Variants in RHBDF2 observed in about 807,000 individuals in gnomAD.
The protein encoded by RHBDF2 is rhomboid 5 homolog 2, also known as inactive rhomboid protein 2.
Under a neutral mutation model 95.2 loss-of-function variants are expected in RHBDF2, and 38 were observed. That is an observed-to-expected ratio of 0.40 (90% CI 0.31 to 0.52). The LOEUF (loss-of-function observed/expected upper bound fraction) is 0.52. Among genes scored for constraint, RHBDF2 ranks in the 20% least tolerant of loss-of-function variants. RHBDF2 has a pLI of 0.56. For missense variants in RHBDF2, 863 were observed against 1,137.7 expected, an observed-to-expected ratio of 0.76 and a Z score of 3.47; for synonymous variants, 442 against 462.0, an observed-to-expected ratio of 0.96 and a Z score of 0.55.
At position 76,473,420 on chromosome 17, in the gene RHBDF2, T is replaced by C. The variant is rs894142645; in HGVS notation, c.1734-93A>G. On this transcript the variant is annotated intron_variant, in intron 15 of 18. Transcript: ENST00000675367. ...GCCCAGCACCTGGCTACAGGAGGCA[T>C]CGCTGGCAGGAAGGGGGATGCCGCA... 14 of 1,226,716 alleles carry C rather than the reference T, an allele frequency of 1.1e-5. No homozygotes were observed. In the African/African-American group the frequency reaches 2.0e-4, roughly 17 times the overall value. The allele number at this position is 1,226,716 out of a possible 1,614,324, so 76.0% of individuals were successfully genotyped here.
intron 1 of RHBDF2, among the ~76,000 whole-genome samples, chr17:76,493,521 GGA>G (rs35684089): frequency 0.15 from 23,541 of 152,056 alleles, 1,966 homozygotes; most frequent in African/African-American, 0.21. Context: ...CAGAATTTGG[GGA>G]GAGTCATGAG....
rs961508085 is a variant in RHBDF2 at position 76,471,465 on chromosome 17, A to G, written c.*168T>C. 11 of 719,370 alleles carry G rather than the reference A, an allele frequency of 1.5e-5. No individual in the cohort carries two copies. Among genetic ancestry groups the G allele is most frequent in the East Asian group, 2.8e-5 (1 of 36,186 alleles). 44.6% of individuals were successfully genotyped at this position (719,370 alleles called of 1,614,324 possible). A position where few individuals can be genotyped will look rare whatever the true frequency, so the allele number is the denominator to read the frequency against. ...CAGAAAAACCCCGCCTTAACCAACC[A>G]TCTCACGCGGAGTCAGCCTCGCCTG... On this transcript the variant is annotated 3_prime_UTR_variant, in exon 19 of 19. Coordinates refer to ENST00000675367, the MANE Select transcript of RHBDF2 (RefSeq NM_001005498.4).
chr17:76,489,463 A>G (rs969076764), intron 1 of RHBDF2, among the ~76,000 whole-genome samples: 4 of 151,668 alleles, frequency 2.6e-5, no homozygotes, highest in Non-Finnish European at 4.4e-5. Context: ...AGCTGGGACT[A>G]CAGACGCCCG....
At chr17:76,492,353 A>T (rs1346086699) in intron 1 of RHBDF2, among the ~76,000 whole-genome samples, 3 of 152,076 alleles carry the variant, frequency 2.0e-5, no homozygotes, top group Non-Finnish European at 4.4e-5. Context: ...GCAGCAGCGG[A>T]CCTCAGACAC....
In RHBDF2 at chr17:76,479,358, G is replaced by A. The variant is rs781719040; in HGVS notation, c.273-81C>T. The stretch of plus-strand genomic sequence containing the variant: ...GAGTGTGTGGAAGGGGTGATGGCAC[G>A]TGTGTGCCCGCGTGCCTACAGGGAG... On this transcript the variant is annotated intron_variant, in intron 4 of 18. Coordinates refer to ENST00000675367, the MANE Select transcript of RHBDF2 (RefSeq NM_001005498.4). 4.1e-5 allele frequency: 63 copies of A among 1,526,786 alleles called. No individual in the cohort carries two copies. In the Admixed American group the frequency reaches 4.3e-4, roughly 10 times the overall value. 94.6% of individuals were successfully genotyped at this position (1,526,786 alleles called of 1,614,324 possible).
intron 1 of RHBDF2, among the ~76,000 whole-genome samples, chr17:76,491,671 T>C (rs1400463804): frequency 6.6e-6 from 1 of 151,972 alleles, no homozygotes; most frequent in Middle Eastern, 3.2e-3. Flanking sequence ...AAACATGGAG[T>C]ATGGAAGCAT....
chr17:76,490,095 C>T (rs1349790040), intron 1 of RHBDF2, among the ~76,000 whole-genome samples: 10 of 152,224 alleles, frequency 6.6e-5, no homozygotes, highest in Admixed American at 6.5e-5. Context: ...GAGTAGCCCA[C>T]GCTCCCCATT....
Position 76,477,696 on chromosome 17 carries a change from G to A in RHBDF2, c.762C>T (p.Val254=), listed in dbSNP as rs140252289. Residue 254 remains valine, a synonymous_variant, in exon 7 of 19, where the codon GTC becomes GTT. Coordinates refer to ENST00000675367, the MANE Select transcript of RHBDF2 (RefSeq NM_001005498.4). ...AFPSFLEEDV[V]DGADTFDSSF... is the part of the protein sequence containing the mutation. ...AGGAGTCAAACGTGTCTGCCCCATC[G>A]ACCACATCCTCCTCCAGGAAGCTCG... The A allele has an allele frequency of 1.9e-6, 3 of 1,614,018 alleles. No individual in the cohort carries two copies. The highest frequency in any genetic ancestry group is 1.3e-5 in the African/African-American group (1 of 75,036).
At position 76,471,325 on chromosome 17, in the gene RHBDF2, C is replaced by A; in HGVS notation, c.*308G>T. ...GACCTGGGAAGAAAAGGACCCTGCC[C>A]CAGGAGATGGTCTCAGCAAGGAGCG... is the stretch of plus-strand genomic sequence containing the variant. On this transcript the variant is annotated 3_prime_UTR_variant, in exon 19 of 19. Coordinates refer to ENST00000675367, the MANE Select transcript of RHBDF2 (RefSeq NM_001005498.4). 2.9e-6 allele frequency: 1 copy of A among 347,856 alleles called. No homozygotes were observed. Among genetic ancestry groups the A allele is most frequent in the Non-Finnish European group, 5.3e-6 (1 of 190,420 alleles). 21.5% of individuals were successfully genotyped at this position (347,856 alleles called of 1,614,324 possible).
At chr17:76,492,270 T>C (rs1006043757) in intron 1 of RHBDF2, among the ~76,000 whole-genome samples, 9 of 152,102 alleles carry the variant, frequency 5.9e-5, no homozygotes, top group African/African-American at 2.2e-4. Context: ...GGTTGAGGCC[T>C]CTGTACCCTC....
chr17:76,474,474 C>T lies in RHBDF2; in HGVS notation c.1363G>A (p.Glu455Lys), dbSNP rs147819473. 1.6e-5 allele frequency: 26 copies of T among 1,614,002 alleles called. No individual in the cohort carries two copies. Among genetic ancestry groups the T allele is most frequent in the African/African-American group, 9.3e-5 (7 of 74,918 alleles). ...TCTCGCTCGCGCAGCACCAGCTGCTCGATCTGCCCGTCCTTCCGGATGCAG... is the reference window on the plus strand; with the variant it reads ...TCTCGCTCGCGCAGCACCAGCTGCTTGATCTGCCCGTCCTTCCGGATGCAG... The part of the protein sequence containing the change: ...SPCIRKDGQI[E>K]QLVLRERDLE... The change falls in exon 12 of 19, where the codon GAG becomes AAG. Residue 455 changes from glutamate (E) to lysine (K), a missense_variant. Glu to Lys is a moderately conservative substitution (Grantham distance 56). Around this residue, in one of 2 missense-constraint regions of RHBDF2, gnomAD observed 611 missense variants for 725.5 expected, o/e 0.84. Coordinates refer to ENST00000675367, the MANE Select transcript of RHBDF2 (RefSeq NM_001005498.4).
chr17:76,490,392 C>A (rs78205021), intron 1 of RHBDF2, among the ~76,000 whole-genome samples: 3,168 of 152,256 alleles, frequency 0.021, 92 homozygotes, highest in South Asian at 0.13. Context: ...GGACCCCACT[C>A]GGTTGAAGCT....
chr17:76,492,041 G>A (rs959476375), intron 1 of RHBDF2, among the ~76,000 whole-genome samples: 5 of 152,112 alleles, frequency 3.3e-5, no homozygotes, highest in South Asian at 2.1e-4. Context: ...GCCCACAGGC[G>A]GAACACTGCC....
At chr17:76,485,411 CA>C (rs35202087) in intron 2 of RHBDF2, among the ~76,000 whole-genome samples, 3,023 of 62,714 alleles carry the variant, frequency 0.048, 97 homozygotes, top group African/African-American at 0.15. Flanking sequence ...AACTCTGTCT[CA>C]AAAAAAAAAA....
chr17:76,485,690 G>A (rs1455177228), intron 2 of RHBDF2, among the ~76,000 whole-genome samples: 1 of 152,220 alleles, frequency 6.6e-6, no homozygotes, highest in African/African-American at 2.4e-5. Flanking sequence ...CGGCTCTGCA[G>A]AGCCGGAGCA....
chr17:76,471,673 C>T lies in RHBDF2; in HGVS notation c.2444G>A (p.Arg815His), dbSNP rs373424100. 5.8e-5 allele frequency: 93 copies of T among 1,609,622 alleles called. No individual in the cohort carries two copies. The highest frequency in any genetic ancestry group is 8.0e-5 in the African/African-American group (6 of 74,872). The part of the protein sequence containing the change: ...EHLTCFPFTS[R>H]FCEKYELDQV... Reference sequence around the variant, plus strand: ...GTCCAGCTCATACTTCTCGCAGAAGCGGCTGGTGAAGGGGAAGCAGGTGAG... The same window carrying T: ...GTCCAGCTCATACTTCTCGCAGAAGTGGCTGGTGAAGGGGAAGCAGGTGAG... Residue 815 changes from arginine to histidine, a missense_variant, in exon 19 of 19, where the codon CGC becomes CAC. Arg to His is a conservative substitution (Grantham distance 29). Around this residue, in one of 2 missense-constraint regions of RHBDF2, gnomAD observed 252 missense variants for 412.2 expected, o/e 0.61. Coordinates refer to ENST00000675367, the MANE Select transcript of RHBDF2 (RefSeq NM_001005498.4).
In RHBDF2 at chr17:76,477,155, G is replaced by C. The variant is rs755343805; in HGVS notation, c.920+25C>G. On this transcript the variant is annotated intron_variant, in intron 8 of 18. Transcript: ENST00000675367. ...CCCCCAGGCTGGTGGCTGGCCTGGA[G>C]GAGGGACTCTGCCCCAGCACTCACA... 12 of 1,611,380 alleles carry C rather than the reference G, an allele frequency of 7.4e-6. No individual in the cohort carries two copies. The African/African-American group carries it at 1.6e-4, about 21-fold the overall frequency.
rs776482481 is a variant in RHBDF2 at position 76,482,539 on chromosome 17, C to T, written c.-21-994G>A. On this transcript the variant is annotated intron_variant, in intron 2 of 18. Transcript: ENST00000675367. ...CTGTAATCCCAGCACTTTGGGAGGC[C>T]GAGGTAGGTGGATCACCTGAGGTCA... Among the ~76,000 whole-genome samples, 161 of 152,250 alleles carry T rather than the reference C, an allele frequency of 1.1e-3. 1 individual carries two copies. The highest frequency in any genetic ancestry group is 5.6e-4 in the Non-Finnish European group (38 of 67,998).
Position 76,477,033 on chromosome 17 carries a change from G to A in RHBDF2, c.921-9C>T, listed in dbSNP as rs1348730442. On this transcript the variant is annotated splice_polypyrimidine_tract_variant and intron_variant, in intron 8 of 18. Transcript: ENST00000675367. ...CTCGGCCATACTCCTTCCTGGTGGG[G>A]ATGGTGGCTTTCAGCCTGAATCCCC... 1 of 1,612,736 alleles carries A rather than the reference G, an allele frequency of 6.2e-7. No individual in the cohort carries two copies. The highest frequency in any genetic ancestry group is 1.3e-5 in the African/African-American group (1 of 74,932).
Sources: gnomAD v4.1 joint callset for allele counts (sites outside exome capture counted in the v4.1 genomes callset) on GRCh38, gnomAD v4.1.1 for gene constraint, gnomAD v4.1.1 regional missense constraint, MANE v1.5 for transcripts, NCBI Gene and HGNC (gene_info 2026-07-23, HGNC 2026-07-21) for gene names.